Variants in ADCY9 observed in about 807,000 individuals in gnomAD.
ADCY9 encodes the protein adenylate cyclase type 9.
ADCY9 carries 50 observed loss-of-function variants against 101.5 expected under a neutral mutation model. The observed-to-expected ratio is 0.49, with a 90% confidence interval of 0.39 to 0.62. ADCY9 has a LOEUF of 0.62. ADCY9 is among the 20% of genes least tolerant of loss of function. The probability of loss-of-function intolerance (pLI) is 0.00; values close to 1 mark genes in which losing one functional copy is unlikely to be tolerated. For missense variants in ADCY9, 1,662 were observed against 1,800.4 expected (o/e 0.92, Z 1.39); for synonymous variants, 905 against 769.3 (o/e 1.18, Z -2.92).
Position 3,966,605 on chromosome 16 carries a change from C to T in ADCY9, c.3232G>A (p.Gly1078Ser), listed in dbSNP as rs371807206. The part of the protein sequence containing the change: ...SEFYEENYEG[G>S]KECYRVLNEL... Reference sequence around the variant, plus strand: ...TTGAGGACCCGGTAGCACTCCTTGCCGCCCTCGTAGTTCTCCTCGTAGAAC... The same window carrying T: ...TTGAGGACCCGGTAGCACTCCTTGCTGCCCTCGTAGTTCTCCTCGTAGAAC... The change falls in exon 11 of 11, where the codon GGC becomes AGC. Residue 1078 changes from glycine (G) to serine (S), a missense_variant. By Grantham distance (56) the Gly-to-Ser change is moderately conservative. This residue lies in a region of ADCY9 where 220 missense variants were observed against 312.9 expected (regional missense o/e 0.70). Coordinates refer to ENST00000294016, the MANE Select transcript of ADCY9 (RefSeq NM_001116.4). 4.3e-6 allele frequency: 7 copies of T among 1,614,192 alleles called. No homozygotes were observed. Among genetic ancestry groups the T allele is most frequent in the South Asian group, 1.1e-5 (1 of 91,088 alleles).
At chr16:4,044,916 G>A (rs761099927) in intron 2 of ADCY9, among the ~76,000 whole-genome samples, 9 of 152,078 alleles carry the variant, frequency 5.9e-5, no homozygotes, top group Non-Finnish European at 1.0e-4. Context: ...TCACAGCAAC[G>A]GGCTCCCGGC....
At chr16:3,958,541 C>CAAAA (rs57920543), downstream of ADCY9, among the ~76,000 whole-genome samples, 1 of 104,194 alleles carries the variant, frequency 9.6e-6, no homozygotes, top group Non-Finnish European at 2.0e-5. Flanking sequence ...AACTCCGTCT[C>CAAAA]AAAAAAAAAA....
rs754488479 is a variant in ADCY9, at chr16:4,115,360, A to G, written c.83T>C (p.Val28Ala). 1 of 1,611,110 alleles carries G rather than the reference A, an allele frequency of 6.2e-7. No homozygotes were observed. ...SCDSSGDSNS[V>A]RVKINPKQLS... ...CTGCTTGGGGTTGATCTTGACGCGC[A>G]CGCTGTTGCTGTCCCCGCTGGAGTC... The change falls in exon 2 of 11, where the codon GTG (valine) becomes GCG (alanine). Residue 28 changes from valine (V) to alanine (A), a missense_variant. By Grantham distance (64) the Val-to-Ala change is moderately conservative. This residue lies in a region of ADCY9 where 422 missense variants were observed against 392.0 expected (regional missense o/e 1.08). Transcript: ENST00000294016. This position sits in a 1 kb window ranked among gnomAD's most constrained non-coding sequence, Gnocchi z 6.2.
chr16:4,036,628 A>C (rs1391617086), intron 2 of ADCY9, among the ~76,000 whole-genome samples: 1 of 151,638 alleles, frequency 6.6e-6, no homozygotes, highest in East Asian at 1.9e-4. Flanking sequence ...CACCCGGCTA[A>C]TTTTTGTATT....
intron 2 of ADCY9, among the ~76,000 whole-genome samples, chr16:4,027,175 T>C (rs1305872862): frequency 6.6e-6 from 1 of 152,224 alleles, no homozygotes; most frequent in Admixed American, 6.5e-5. Context: ...GAAAATTCTC[T>C]AATCAGCCAC....
chr16:4,026,538 C>T (rs76593010), intron 2 of ADCY9, among the ~76,000 whole-genome samples: 2,207 of 151,996 alleles, frequency 0.015, 42 homozygotes, highest in Admixed American at 0.052. Context: ...AAACGCTGTA[C>T]GCAAATGTTT....
chr16:3,970,565 T>C (rs532565130), intron 10 of ADCY9, among the ~76,000 whole-genome samples: 185 of 151,036 alleles, frequency 1.2e-3, no homozygotes, highest in Non-Finnish European at 2.3e-3. Context: ...TGACCTCAGG[T>C]GATCCACCCG....
At chr16:4,093,640 C>A (rs866261091) in intron 2 of ADCY9, among the ~76,000 whole-genome samples, 36 of 151,986 alleles carry the variant, frequency 2.4e-4, no homozygotes, top group Admixed American at 2.6e-4. Context: ...GCCTGCAGTC[C>A]CAGCTACTCA....
chr16:4,030,790 G>C (rs2056550326), intron 2 of ADCY9, among the ~76,000 whole-genome samples: 1 of 152,158 alleles, frequency 6.6e-6, no homozygotes, highest in Non-Finnish European at 1.5e-5. Flanking sequence ...CAGAAGTCAG[G>C]ACATGGTTAC....
rs575079437 is a variant in ADCY9 at position 3,992,473 on chromosome 16, C to T, written c.1990-110G>A. 1,183 of 993,854 alleles carry T rather than the reference C, an allele frequency of 1.2e-3. 21 individuals carry two copies. The South Asian group carries it at 0.014, about 12-fold the overall frequency. The allele number at this position is 993,854 out of a possible 1,614,324, so 61.6% of individuals were successfully genotyped here. ...CGCTGCGGGGCGCTGCTGCACTGGG[C>T]GTGGGACTTTCTGACCTGCGAGGAA... On this transcript the variant is annotated intron_variant, in intron 4 of 10. Transcript: ENST00000294016. The surrounding 1 kb of genome is among the most constrained non-coding windows in gnomAD (Gnocchi z 4.2).
At chr16:4,027,960 C>T (rs2141750612) in intron 2 of ADCY9, among the ~76,000 whole-genome samples, 1 of 152,042 alleles carries the variant, frequency 6.6e-6, no homozygotes, top group East Asian at 1.9e-4. Flanking sequence ...ATGACCTGCC[C>T]CCACGATTCA....
Position 3,981,445 on chromosome 16 carries a change from T to C in ADCY9, c.2519+1787A>G, listed in dbSNP as rs78552450. On this transcript the variant is annotated intron_variant, in intron 7 of 10. Coordinates refer to ENST00000294016, the MANE Select transcript of ADCY9 (RefSeq NM_001116.4). ...GCAGACCTGGGGGAGTGACTGCCCA[T>C]GAGGATGGGTTTCTTTTTGGGGTGA... Among the ~76,000 whole-genome samples the C allele has an allele frequency of 5.3e-3, 807 of 152,216 alleles. 6 individuals carry two copies. Among genetic ancestry groups the C allele is most frequent in the African/African-American group, 0.019 (775 of 41,530 alleles).
At chr16:4,001,235 T>C (rs890954287) in intron 3 of ADCY9, among the ~76,000 whole-genome samples, 1 of 152,170 alleles carries the variant, frequency 6.6e-6, no homozygotes, top group Non-Finnish European at 1.5e-5. Flanking sequence ...CGTGTTGCAT[T>C]TAGCCCTCAT....
At chr16:4,015,090 C>T (rs1397985471) in intron 2 of ADCY9, among the ~76,000 whole-genome samples, 1 of 151,874 alleles carries the variant, frequency 6.6e-6, no homozygotes, top group Non-Finnish European at 1.5e-5. Context: ...CAGGCACCCA[C>T]CACTATGCCT....
intron 3 of ADCY9, among the ~76,000 whole-genome samples, chr16:4,005,125 G>T (rs187121633): frequency 6.6e-6 from 1 of 152,110 alleles, no homozygotes; most frequent in Admixed American, 6.6e-5. Context: ...CCTAGCTACT[G>T]TCTACTAGCC....
At chr16:4,004,799 C>T (rs1228261199) in intron 3 of ADCY9, among the ~76,000 whole-genome samples, 2 of 152,056 alleles carry the variant, frequency 1.3e-5, no homozygotes, top group Non-Finnish European at 2.9e-5. Flanking sequence ...TTATCAGCTG[C>T]GGAGGCACGG....
rs116997673 is a variant in ADCY9, at chr16:4,043,583, G to A, written c.1694-36025C>T. On this transcript the variant is annotated intron_variant, in intron 2 of 10. Coordinates refer to ENST00000294016, the MANE Select transcript of ADCY9 (RefSeq NM_001116.4). ...CAGCTGCCCGTAATCTCATCTACTT[G>A]GGAGGCCGAGGCAGGAGACTCACTT... Among the ~76,000 whole-genome samples, 640 of 152,136 alleles carry A rather than the reference G, an allele frequency of 4.2e-3. 6 individuals carry two copies. In the East Asian group the frequency reaches 0.044, roughly 10 times the overall value.
At chr16:4,102,940 T>A (rs530422901) in intron 2 of ADCY9, among the ~76,000 whole-genome samples, 1 of 152,212 alleles carries the variant, frequency 6.6e-6, no homozygotes, top group Admixed American at 6.5e-5. Context: ...CAGGCTGGTC[T>A]CCAACTCTTG....
At chr16:3,977,434 C>T in intron 9 of ADCY9, 48 bp downstream of exon 9, 1 of 1,532,802 alleles carries the variant, frequency 6.5e-7, no homozygotes. Context: ...CAACCTCGGG[C>T]AAGGTGGCCA....
Sources: allele counts gnomAD v4.1 joint callset (sites outside exome capture counted in the v4.1 genomes callset), GRCh38; gene constraint gnomAD v4.1.1; regional missense constraint gnomAD v4.1.1; non-coding constraint Gnocchi (gnomAD v3.1); transcripts MANE v1.5; gene names NCBI Gene and HGNC (gene_info 2026-07-23, HGNC 2026-07-21).